The following CCDC77 variants were observed in gnomAD, a reference collection of about 807,000 sequenced individuals.
CCDC77 encodes the protein coiled-coil domain-containing protein 77.
In CCDC77, 56 loss-of-function variants were observed where a neutral mutation model predicts 66.8. The observed-to-expected ratio is 0.84, with a 90% confidence interval of 0.68 to 1.05. CCDC77 has a LOEUF of 1.05. CCDC77 is among the 50% of genes least tolerant of loss of function. CCDC77 has a pLI of 0.00. For missense variants in CCDC77, 570 were observed against 576.8 expected (o/e 0.99, Z 0.12); for synonymous variants, 196 against 195.2 (o/e 1.00, Z -0.03).
chr12:410,267 G>GTT (rs5795915), intron 3 of CCDC77, among the ~76,000 whole-genome samples: 9,045 of 148,642 alleles, frequency 0.061, 785 homozygotes, highest in East Asian at 0.42. Flanking sequence ...TACTATTTTT[G>GTT]TTTTTTTTTT....
chr12:424,576 G>A (rs1380411029), intron 5 of CCDC77, among the ~76,000 whole-genome samples: 1 of 151,812 alleles, frequency 6.6e-6, no homozygotes, highest in Non-Finnish European at 1.5e-5. Context: ...TGATCCTCCT[G>A]CTTCAGCCTC....
intron 4 of CCDC77, among the ~76,000 whole-genome samples, 171 bp from the exon 5 acceptor site, chr12:418,323 A>C (rs981510525): frequency 6.6e-6 from 1 of 152,202 alleles, no homozygotes; most frequent in African/African-American, 2.4e-5. Flanking sequence ...AATAAATAAA[A>C]AAACAAACAA....
intron 9 of CCDC77, 84 bp from the exon 10 acceptor site, chr12:438,251 A>T: frequency 2.2e-6 from 2 of 928,452 alleles, no homozygotes; most frequent in Non-Finnish European, 1.7e-6. Context: ...TAAAAGAACC[A>T]CTCTCTTCCA....
chr12:441,835 A>T lies in CCDC77; in HGVS notation c.1382A>T (p.Asn461Ile). 6.2e-7 allele frequency: 1 copy of T among 1,613,750 alleles called. No individual in the cohort carries two copies. Among genetic ancestry groups the T allele is most frequent in the East Asian group, 2.2e-5 (1 of 44,874 alleles). The change falls in exon 13 of 13, where the codon AAT becomes ATT. Residue 461 changes from asparagine to isoleucine, a missense_variant. Transcript: ENST00000239830. ...LALLCEVRDS[N>I]RRAHKIQGEL... ...CTTCTGTGTGAGGTCCGTGACAGCA[A>T]TAGACGGGCACATAAGATACAAGGA...
chr12:437,908 A>G (rs1340455483), intron 9 of CCDC77, among the ~76,000 whole-genome samples: 2 of 151,950 alleles, frequency 1.3e-5, no homozygotes, highest in Admixed American at 1.3e-4. Flanking sequence ...TGATATAGGC[A>G]GTTCTACATG....
At position 411,850 on chromosome 12, in the gene CCDC77, C is replaced by T. The variant is rs374401383; in HGVS notation, c.142C>T (p.Arg48Cys). ...AACCCCCTTGCCTTCCCCCGAAGAT[C>T]GTCTGGCCAAACTCCATCCTTCTAA... is the stretch of plus-strand genomic sequence containing the variant. ...ESTPLPSPED[R>C]LAKLHPSKEL... is the part of the protein sequence containing the mutation. Residue 48 changes from arginine (R) to cysteine (C), a missense_variant, in exon 4 of 13, where the codon CGT becomes TGT. Arg to Cys is a radical substitution (Grantham distance 180, BLOSUM62 -3). Transcript: ENST00000239830. The T allele has an allele frequency of 1.2e-5, 19 of 1,613,760 alleles. No individual in the cohort carries two copies. The highest frequency in any genetic ancestry group is 5.0e-5 in the Admixed American group (3 of 59,954).
At chr12:438,582 G>C (rs1359510267) in intron 10 of CCDC77, 28 bp downstream of exon 10, 4 of 1,543,390 alleles carry the variant, frequency 2.6e-6, no homozygotes, top group Non-Finnish European at 3.5e-6. Context: ...TAACGAAGTT[G>C]TTTATTTTTC....
At chr12:426,890 G>A (rs11062928) in intron 5 of CCDC77, among the ~76,000 whole-genome samples, 46,509 of 151,952 alleles carry the variant, frequency 0.31, 8,778 homozygotes, top group Non-Finnish European at 0.43. Flanking sequence ...TCATTACCAT[G>A]AATATCTACT....
intron 5 of CCDC77, chr12:418,857 C>T (rs753760812): frequency 2.1e-6 from 1 of 478,546 alleles, no homozygotes; most frequent in Non-Finnish European, 3.7e-6. Context: ...CACTACAAGG[C>T]CTAGCTCATT....
intron 5 of CCDC77, among the ~76,000 whole-genome samples, chr12:423,105 C>G (rs983855325): frequency 1.6e-5 from 2 of 121,698 alleles, no homozygotes; most frequent in Admixed American, 9.4e-5. Flanking sequence ...TTTTTTTTTT[C>G]TTTTAAGCCT....
At chr12:420,572 T>TAC (rs1382461376) in intron 5 of CCDC77, among the ~76,000 whole-genome samples, 1 of 14,320 alleles carries the variant, frequency 7.0e-5, no homozygotes. Flanking sequence ...GAGGGTAAAA[T>TAC]ACACATAGCA....
chr12:428,450 G>A (rs1352176650), intron 5 of CCDC77, among the ~76,000 whole-genome samples: 4 of 140,438 alleles, frequency 2.8e-5, no homozygotes, highest in Admixed American at 7.8e-5. Flanking sequence ...GGCGGAGGTT[G>A]CAGTGAGCCA....
At chr12:425,123 G>T (rs759735047) in intron 5 of CCDC77, among the ~76,000 whole-genome samples, 5 of 151,182 alleles carry the variant, frequency 3.3e-5, no homozygotes, top group African/African-American at 9.8e-5. Flanking sequence ...TAGAGACAGG[G>T]TTTTTCCATA....
At chr12:406,350 A>C (rs1419304117) in intron 2 of CCDC77, among the ~76,000 whole-genome samples, 1 of 152,200 alleles carries the variant, frequency 6.6e-6, no homozygotes, top group Non-Finnish European at 1.5e-5. Context: ...TAAATGGGGA[A>C]AGAACATCAT....
intron 9 of CCDC77, chr12:436,790 G>A: frequency 1.0e-6 from 1 of 982,942 alleles, no homozygotes; most frequent in Non-Finnish European, 1.2e-6. Context: ...ATCTTCCTAA[G>A]AAGGGCATGA....
Position 440,902 on chromosome 12 carries a change from T to C in CCDC77, c.1226T>C (p.Leu409Ser), listed in dbSNP as rs546264240. 1.7e-5 allele frequency: 27 copies of C among 1,613,812 alleles called. No homozygotes were observed. The East Asian group carries it at 3.8e-4, about 23-fold the overall frequency. ...ATAATGACAAAACGCTATGAGGCAT[T>C]GGAGCGTCGACGTATCCTGGAAGTA... Reference protein sequence around the residue: ...LQIMTKRYEALERRRILEVEG... With the variant: ...LQIMTKRYEASERRRILEVEG... Residue 409 changes from leucine to serine, a missense_variant, in exon 12 of 13, where the codon TTG becomes TCG. Transcript: ENST00000239830.
intron 5 of CCDC77, 125 bp downstream of exon 5, chr12:418,761 G>T: frequency 2.0e-6 from 2 of 1,001,316 alleles, no homozygotes; most frequent in Middle Eastern, 3.3e-4. Flanking sequence ...GTACAGTGGC[G>T]CTCTCTTGGC....
intron 5 of CCDC77, 42 bp from the exon 6 acceptor site, chr12:428,727 G>C: frequency 7.3e-7 from 1 of 1,360,720 alleles, no homozygotes; most frequent in East Asian, 2.4e-5. Context: ...TACTTACTTG[G>C]GACATTTAAT....
At chr12:397,555 T>TA (rs1944844650), upstream of CCDC77, among the ~76,000 whole-genome samples, 1 of 152,084 alleles carries the variant, frequency 6.6e-6, no homozygotes. Flanking sequence ...TCCTGGTACA[T>TA]AAAAAAAGCT....
Sources: gnomAD v4.1 joint callset for allele counts (sites outside exome capture counted in the v4.1 genomes callset) on GRCh38, gnomAD v4.1.1 for gene constraint, MANE v1.5 for transcripts, NCBI Gene and HGNC (gene_info 2026-07-23, HGNC 2026-07-21) for gene names.